The following PTN variants were observed in gnomAD, a reference collection of about 807,000 sequenced individuals.
The protein encoded by PTN is heparin affin regulatory protein.
PTN carries 18 observed loss-of-function variants against 24.1 expected under a neutral mutation model. The ratio of observed to expected loss-of-function variants is 0.75; its 90% CI spans 0.52 to 1.11. The LOEUF (loss-of-function observed/expected upper bound fraction) is 1.11. Among genes scored for constraint, PTN ranks in the 50% least tolerant of loss-of-function variants. The pLI is 0.00. For missense variants in PTN, 163 were observed against 198.8 expected (o/e 0.82, Z 1.08); for synonymous variants, 78 against 68.6 (o/e 1.14, Z -0.67).
chr7:137,324,000 G>A (rs138357593), intron 1 of PTN, among the ~76,000 whole-genome samples: 4 of 151,902 alleles, frequency 2.6e-5, no homozygotes, highest in South Asian at 4.2e-4. Flanking sequence ...TAGGTCCCTC[G>A]TTTTACAAAT....
chr7:137,232,806 A>G (rs1349039421), intron 4 of PTN, among the ~76,000 whole-genome samples: 1 of 151,854 alleles, frequency 6.6e-6, no homozygotes, highest in Non-Finnish European at 1.5e-5. Context: ...AGTTTCCCCC[A>G]TGCTATTCTG....
chr7:137,286,921 A>G (rs1370244803), intron 1 of PTN, among the ~76,000 whole-genome samples: 1 of 152,200 alleles, frequency 6.6e-6, no homozygotes, highest in Non-Finnish European at 1.5e-5. Context: ...CATGGCAGGC[A>G]TTGTTAATTT....
At chr7:137,328,198 A>G (rs935665874) in intron 1 of PTN, among the ~76,000 whole-genome samples, 4 of 152,206 alleles carry the variant, frequency 2.6e-5, no homozygotes, top group Non-Finnish European at 5.9e-5. Flanking sequence ...AAGATAGATC[A>G]CTGCTTTTAC....
intron 1 of PTN, among the ~76,000 whole-genome samples, chr7:137,267,684 G>C (rs753156508): frequency 4.0e-5 from 6 of 151,872 alleles, no homozygotes; most frequent in African/African-American, 1.5e-4. Context: ...GTGTCTCCTC[G>C]AGACAAAACA....
chr7:137,293,474 T>C lies in PTN; in HGVS notation c.-1-38500A>G, dbSNP rs139898933. Among the ~76,000 whole-genome samples the C allele has an allele frequency of 2.9e-3, 434 of 152,248 alleles. 2 individuals carry two copies. Among genetic ancestry groups the C allele is most frequent in the African/African-American group, 0.01 (418 of 41,566 alleles). On this transcript the variant is annotated intron_variant, in intron 1 of 4. Coordinates refer to ENST00000348225, the MANE Select transcript of PTN (RefSeq NM_002825.7). ...AGTTTCTGGGCTAGCATACTTGAAA[T>C]GCTAGTAATTAGAGTGGAGTTACTT...
chr7:137,303,538 TTCATCATTTACCATTTCTACACACAGTTA>T (rs1809839111), intron 1 of PTN, among the ~76,000 whole-genome samples: 2 of 151,894 alleles, frequency 1.3e-5, no homozygotes, highest in African/African-American at 4.8e-5. Flanking sequence ...TTTTTTTCTG[TTCATCATTTACCATTTCTACACACAGTTA>T]TTAAACACTG....
intron 4 of PTN, among the ~76,000 whole-genome samples, chr7:137,249,066 A>C (rs186878011): frequency 1.3e-5 from 2 of 152,282 alleles, no homozygotes; most frequent in Non-Finnish European, 2.9e-5. Flanking sequence ...CAGTTCAGGT[A>C]AAAGGAAGAC....
intron 1 of PTN, among the ~76,000 whole-genome samples, chr7:137,275,758 A>G (rs1180900589): frequency 1.3e-5 from 2 of 152,186 alleles, no homozygotes; most frequent in African/African-American, 4.8e-5. Context: ...ACAAATCCAT[A>G]ATCATTCAAC....
At chr7:137,331,861 C>T (rs1371186976) in intron 1 of PTN, among the ~76,000 whole-genome samples, 1 of 152,202 alleles carries the variant, frequency 6.6e-6, no homozygotes, top group Non-Finnish European at 1.5e-5. Context: ...AACTGGCACA[C>T]ACTGAGTTCT....
chr7:137,337,012 G>A (rs1480830481), intron 1 of PTN, among the ~76,000 whole-genome samples: 2 of 152,172 alleles, frequency 1.3e-5, no homozygotes, highest in East Asian at 1.9e-4. Context: ...GGACCTTGGA[G>A]CTCAAATATT....
chr7:137,295,400 GA>G (rs556812143), intron 1 of PTN, among the ~76,000 whole-genome samples: 50 of 152,176 alleles, frequency 3.3e-4, no homozygotes, highest in African/African-American at 1.1e-3. Context: ...TGTGAGCTAG[GA>G]GTACGTTACC....
At chr7:137,266,652 A>G (rs1054333077) in intron 1 of PTN, among the ~76,000 whole-genome samples, 1 of 150,398 alleles carries the variant, frequency 6.6e-6, no homozygotes, top group Non-Finnish European at 1.5e-5. Context: ...TTTGAAGATA[A>G]CCATTCTGTT....
intron 1 of PTN, among the ~76,000 whole-genome samples, chr7:137,286,723 C>T (rs1809561566): frequency 6.6e-6 from 1 of 152,068 alleles, no homozygotes; most frequent in African/African-American, 2.4e-5. Flanking sequence ...TGGGAGAATA[C>T]ATAAATATTT....
At chr7:137,308,660 C>G (rs967513314) in intron 1 of PTN, among the ~76,000 whole-genome samples, 22 of 152,072 alleles carry the variant, frequency 1.4e-4, no homozygotes, top group African/African-American at 5.1e-4. Context: ...AGGATTAAGC[C>G]TTTATGGCAG....
At chr7:137,342,550 G>A (rs974204282) in intron 1 of PTN, among the ~76,000 whole-genome samples, 3 of 142,130 alleles carry the variant, frequency 2.1e-5, no homozygotes, top group Middle Eastern at 3.6e-3. Flanking sequence ...TGTGTGTGTT[G>A]TGTCACATTA....
At chr7:137,276,336 G>T (rs1223188561) in intron 1 of PTN, among the ~76,000 whole-genome samples, 1 of 152,122 alleles carries the variant, frequency 6.6e-6, no homozygotes, top group Admixed American at 6.6e-5. Context: ...TGTAGTTCAA[G>T]GGCAACTGCA....
Position 137,343,697 on chromosome 7 carries a change from G to C in PTN, c.-260C>G. 2.0e-6 allele frequency: 1 copy of C among 492,618 alleles called. No individual in the cohort carries two copies. Among genetic ancestry groups the C allele is most frequent in the Admixed American group, 2.1e-5 (1 of 47,152 alleles). The allele number at this position is 492,618 out of a possible 1,614,324, so 30.5% of individuals were successfully genotyped here. On this transcript the variant is annotated 5_prime_UTR_variant, in exon 1 of 5. Transcript: ENST00000348225. ...CTGATCCTGCCTTTGACTCAATTAC[G>C]CCCTGACAGGGAGGGAACGGAAGGG...
intron 1 of PTN, among the ~76,000 whole-genome samples, chr7:137,295,269 T>C (rs1434348267): frequency 2.0e-5 from 3 of 152,202 alleles, no homozygotes; most frequent in African/African-American, 7.2e-5. Context: ...TGAAGTATAG[T>C]AGATATTATT....
At chr7:137,301,853 G>C (rs1282073596) in intron 1 of PTN, among the ~76,000 whole-genome samples, 1 of 151,964 alleles carries the variant, frequency 6.6e-6, no homozygotes, top group African/African-American at 2.4e-5. Context: ...TGAAGACTAA[G>C]ATCTAGCTAG....
Sources: allele counts gnomAD v4.1 joint callset (sites outside exome capture counted in the v4.1 genomes callset), GRCh38; gene constraint gnomAD v4.1.1; transcripts MANE v1.5; gene names NCBI Gene and HGNC (gene_info 2026-07-23, HGNC 2026-07-21).